MIS18A: variants seen among roughly 807,000 people sequenced by gnomAD.
MIS18A encodes protein Mis18-alpha.
A neutral mutation model predicts 25.0 loss-of-function variants in MIS18A; 14 were observed. That is an observed-to-expected ratio of 0.56 (90% CI 0.37 to 0.88). The LOEUF is 0.88. Among genes scored for constraint, MIS18A ranks in the 40% least tolerant of loss-of-function variants. The pLI is 0.00. For synonymous variants in MIS18A, 134 were observed against 118.6 expected, an observed-to-expected ratio of 1.13 and a Z score of -0.84; for missense variants, 292 against 290.8, an observed-to-expected ratio of 1.00 and a Z score of -0.03.
chr21:32,233,285 T>G, the MIS18A span, among the ~76,000 whole-genome samples: 1 of 152,228 alleles, frequency 6.6e-6, no homozygotes, highest in Admixed American at 6.5e-5. Flanking sequence ...AGCAGTTGTT[T>G]TTAACCAAGG....
the MIS18A span, among the ~76,000 whole-genome samples, chr21:32,231,064 C>T: frequency 6.6e-6 from 1 of 151,610 alleles, no homozygotes; most frequent in Non-Finnish European, 1.5e-5. Flanking sequence ...GTGAAACCCC[C>T]GTCTCTAACA....
At chr21:32,211,856 TGAGA>T in the MIS18A span, among the ~76,000 whole-genome samples, 4 of 152,296 alleles carry the variant, frequency 2.6e-5, no homozygotes, top group Non-Finnish European at 4.4e-5. Context: ...CCATCTGCAT[TGAGA>T]GAATCACTGC....
At chr21:32,231,092 C>T in the MIS18A span, among the ~76,000 whole-genome samples, 9 of 151,880 alleles carry the variant, frequency 5.9e-5, no homozygotes, top group African/African-American at 2.2e-4. Flanking sequence ...CAAAAATTAG[C>T]CAGGCATGGT....
chr21:32,198,094 C>G, the MIS18A span, among the ~76,000 whole-genome samples: 351 of 152,318 alleles, frequency 2.3e-3, 1 homozygote, highest in African/African-American at 8.1e-3. Flanking sequence ...GGCTTCACAG[C>G]TCTTTAACTC....
chr21:32,190,333 G>C, the MIS18A span, among the ~76,000 whole-genome samples: 1 of 152,012 alleles, frequency 6.6e-6, no homozygotes, highest in Non-Finnish European at 1.5e-5. Context: ...GTTCTACAGA[G>C]AAAAATGAAA....
the MIS18A span, among the ~76,000 whole-genome samples, chr21:32,185,803 C>T: frequency 2.6e-5 from 4 of 152,152 alleles, no homozygotes; most frequent in Non-Finnish European, 5.9e-5. Context: ...TGGGCCCCTG[C>T]CACCTCCCCT....
chr21:32,270,725 G>T, intron 2 of MIS18A, 196 bp from the exon 3 acceptor site: 2 of 465,322 alleles, frequency 4.3e-6, no homozygotes, highest in Non-Finnish European at 6.9e-6. Context: ...GATGCCTTAA[G>T]TATCAAATGA....
chr21:32,222,706 C>T, the MIS18A span, among the ~76,000 whole-genome samples: 7 of 151,954 alleles, frequency 4.6e-5, no homozygotes, highest in East Asian at 1.9e-4. Context: ...CCAAGGCGGG[C>T]GGGTCACGAG....
At chr21:32,205,934 C>T in the MIS18A span, among the ~76,000 whole-genome samples, 9 of 152,178 alleles carry the variant, frequency 5.9e-5, no homozygotes, top group South Asian at 6.2e-4. Flanking sequence ...AGAGACCCCC[C>T]CCATTCCAGT....
chr21:32,205,168 G>C, the MIS18A span, among the ~76,000 whole-genome samples: 1 of 123,248 alleles, frequency 8.1e-6, no homozygotes, highest in African/African-American at 3.1e-5. Flanking sequence ...GCAGTGGCTC[G>C]ATCTCGGCTC....
At chr21:32,185,677 C>A in the MIS18A span, among the ~76,000 whole-genome samples, 3 of 152,138 alleles carry the variant, frequency 2.0e-5, no homozygotes, top group African/African-American at 4.8e-5. Flanking sequence ...GCCTCTGGGT[C>A]TGGCACCTCT....
the MIS18A span, chr21:32,261,330 C>T: frequency 1.3e-5 from 2 of 152,196 alleles, no homozygotes; most frequent in Admixed American, 1.3e-4. Context: ...GTAGTTTCAG[C>T]AAGATGCCTG....
chr21:32,266,731 T>G (rs1313651561), downstream of MIS18A, among the ~76,000 whole-genome samples: 5 of 151,984 alleles, frequency 3.3e-5, no homozygotes, highest in Non-Finnish European at 7.4e-5. Context: ...ACGCGCCACC[T>G]TAAGAGCTGT....
In MIS18A at chr21:32,274,584, T is replaced by C. The variant is rs2031775682; in HGVS notation, c.401+246A>G. Among the ~76,000 whole-genome samples, 4 of 152,176 alleles carry C rather than the reference T, an allele frequency of 2.6e-5. No homozygotes were observed. In the South Asian group the frequency reaches 8.3e-4, roughly 31 times the overall value. The stretch of plus-strand genomic sequence containing the variant: ...AAAAGGGAATGTCAGCATATGCTTT[T>C]AGAAATCTAGAAACTCTAACTTTTC... On this transcript the variant is annotated intron_variant, in intron 2 of 4. Transcript: ENST00000290130.
At chr21:32,263,967 G>A (rs1474093814), downstream of MIS18A, among the ~76,000 whole-genome samples, 17 of 152,012 alleles carry the variant, frequency 1.1e-4, no homozygotes, top group Admixed American at 1.1e-3. Context: ...AGACAAAGAG[G>A]TGAGTGGTCT....
the MIS18A span, among the ~76,000 whole-genome samples, chr21:32,201,861 C>T: frequency 1.3e-5 from 2 of 152,102 alleles, no homozygotes; most frequent in African/African-American, 4.8e-5. Context: ...TAAAAAAATC[C>T]TTGCAACACA....
chr21:32,271,638 G>A (rs1489071653), intron 2 of MIS18A, among the ~76,000 whole-genome samples: 1 of 152,146 alleles, frequency 6.6e-6, no homozygotes, highest in African/African-American at 2.4e-5. Flanking sequence ...AGTAGAAATA[G>A]TCTCGCTATG....
chr21:32,254,917 C>T, the MIS18A span, among the ~76,000 whole-genome samples: 3 of 152,144 alleles, frequency 2.0e-5, no homozygotes, highest in Non-Finnish European at 4.4e-5. Context: ...TAGTACATAA[C>T]GCCGAGAGTT....
intron 2 of MIS18A, among the ~76,000 whole-genome samples, chr21:32,273,636 T>C (rs2031754471): frequency 6.6e-6 from 1 of 152,094 alleles, no homozygotes; most frequent in Non-Finnish European, 1.5e-5. Flanking sequence ...CCCTACCACA[T>C]GTATAAGTTG....
Sources: allele counts gnomAD v4.1 joint callset (sites outside exome capture counted in the v4.1 genomes callset), GRCh38; gene constraint gnomAD v4.1.1; transcripts MANE v1.5; gene names NCBI Gene and HGNC (gene_info 2026-07-23, HGNC 2026-07-21).